CPS1: variants seen among roughly 807,000 people sequenced by gnomAD.
CPS1 encodes carbamoyl-phosphate synthase 1, also known as carbamoyl-phosphate synthase [ammonia], mitochondrial.
In CPS1, 109 loss-of-function variants were observed where a neutral mutation model predicts 174.6. The observed-to-expected ratio is 0.62, with a 90% CI of 0.53 to 0.73. CPS1 has a LOEUF of 0.73. CPS1 is among the 30% of genes least tolerant of loss of function. The probability of loss-of-function intolerance (pLI) is 0.00; values close to 1 mark genes in which losing one functional copy is unlikely to be tolerated. For missense variants in CPS1, 1,689 were observed against 1,821.9 expected, an observed-to-expected ratio of 0.93 and a Z score of 1.33; for synonymous variants, 637 against 632.0, an observed-to-expected ratio of 1.01 and a Z score of -0.12.
chr2:210,578,499 C>G (rs1697787959), intron 4 of CPS1, among the ~76,000 whole-genome samples: 1 of 152,216 alleles, frequency 6.6e-6, no homozygotes, highest in African/African-American at 2.4e-5. Context: ...CTTCAATTAA[C>G]TTCATCTCCA....
At chr2:210,629,672 A>G (rs1699805085) in intron 21 of CPS1, among the ~76,000 whole-genome samples, 1 of 151,908 alleles carries the variant, frequency 6.6e-6, no homozygotes, top group Non-Finnish European at 1.5e-5. Context: ...GGCAGTTTCC[A>G]TTTGTTTTTC....
At chr2:210,677,196 G>C in intron 37 of CPS1, 60 bp downstream of exon 37, 3 of 1,524,920 alleles carry the variant, frequency 2.0e-6, no homozygotes, top group Non-Finnish European at 2.7e-6. Context: ...CCTCCCTTAA[G>C]AGTGTAATCA....
rs1394788077 is a variant in CPS1, at chr2:210,578,355, C to A, written c.471+845C>A. Among the ~76,000 whole-genome samples, 2 of 152,126 alleles carry A rather than the reference C, an allele frequency of 1.3e-5. 1 individual carries two copies. Among genetic ancestry groups the A allele is most frequent in the South Asian group, 4.1e-4 (2 of 4,830 alleles). Reference sequence around the variant, plus strand: ...AAACTCCTGACTTCATGTGATCCACCCGACTCAGCCTCCCAAAGTGCTGGG... The same window carrying A: ...AAACTCCTGACTTCATGTGATCCACACGACTCAGCCTCCCAAAGTGCTGGG... On this transcript the variant is annotated intron_variant, in intron 4 of 37. Coordinates refer to ENST00000233072, the MANE Select transcript of CPS1 (RefSeq NM_001875.5).
chr2:210,651,525 A>G (rs1403277472), intron 28 of CPS1, among the ~76,000 whole-genome samples: 1 of 152,212 alleles, frequency 6.6e-6, no homozygotes, highest in African/African-American at 2.4e-5. Flanking sequence ...GGGTCCTGCC[A>G]TGCGGCCCTT....
chr2:210,497,760 A>G (rs1018505958), intron 1 of CPS1, among the ~76,000 whole-genome samples: 1 of 151,716 alleles, frequency 6.6e-6, no homozygotes, highest in East Asian at 1.9e-4. Flanking sequence ...CCCATGGTGT[A>G]TATGTAGCAC....
At position 210,658,672 on chromosome 2, in the gene CPS1, A is replaced by C. The variant is rs754433289; in HGVS notation, c.3740A>C (p.Lys1247Thr). Residue 1247 changes from lysine (K) to threonine (T), a missense_variant, in exon 31 of 38, where the codon AAA becomes ACA. Lys to Thr is a moderately conservative substitution (Grantham distance 78). Transcript: ENST00000233072. ...SGPFNVQFLV[K>T]GNDVLVIECN... ...CCATTCAACGTCCAATTTCTTGTCA[A>C]AGGAAATGATGTCTTGGTAAGAAAT... 2.0e-5 allele frequency: 32 copies of C among 1,613,702 alleles called. No individual in the cohort carries two copies. In the Admixed American group the frequency reaches 5.0e-4, roughly 25 times the overall value.
chr2:210,514,710 CTA>C (rs1437569711), intron 1 of CPS1, among the ~76,000 whole-genome samples: 7 of 149,754 alleles, frequency 4.7e-5, no homozygotes, highest in African/African-American at 9.8e-5. Context: ...ACTTCTAGTA[CTA>C]TGTTGAATTG....
In CPS1 at chr2:210,582,707, A is replaced by G. The variant is rs1239309801; in HGVS notation, c.619A>G (p.Lys207Glu). Reference protein sequence around the residue: ...KQNLIAEVSTKDVKVYGKGNP... With the variant: ...KQNLIAEVSTEDVKVYGKGNP... ...GAATTTGATTGCTGAGGTTTCAACC[A>G]AGGTGAGGGGTTTTCCTTTATATTT... The change falls in exon 6 of 38, where the codon AAG becomes GAG. Residue 207 changes from lysine to glutamate, a missense_variant and splice_region_variant. Transcript: ENST00000233072. 1 of 1,607,516 alleles carries G rather than the reference A, an allele frequency of 6.2e-7. No homozygotes were observed. The highest frequency in any genetic ancestry group is 1.7e-5 in the Admixed American group (1 of 59,944).
chr2:210,530,477 AAG>A lies in CPS1; in HGVS notation c.4-26234_4-26233del, dbSNP rs1231184118. Among the ~76,000 whole-genome samples, 3 of 152,244 alleles carry A rather than the reference AAG, an allele frequency of 2.0e-5. No homozygotes were observed. In the South Asian group the frequency reaches 6.2e-4, roughly 32 times the overall value. On this transcript the variant is annotated intron_variant, in intron 1 of 38. Transcript: ENST00000430249. ...TGTAGAATTCTGCTAACCACTTTAC[AAG>A]AGAGAGATTTACATAAGATTCTTTT...
intron 17 of CPS1, among the ~76,000 whole-genome samples, chr2:210,606,225 G>A (rs1334785111): frequency 6.6e-6 from 1 of 151,866 alleles, no homozygotes; most frequent in Non-Finnish European, 1.5e-5. Context: ...GAATGAGAGA[G>A]AAGCTTTGTA....
intron 1 of CPS1, among the ~76,000 whole-genome samples, chr2:210,479,214 G>A (rs763489237): frequency 1.2e-4 from 18 of 151,982 alleles, no homozygotes; most frequent in Non-Finnish European, 1.8e-4. Context: ...TGTAGATGCC[G>A]TCTTCTCCTA....
intron 25 of CPS1, 67 bp downstream of exon 25, chr2:210,642,732 T>C: frequency 7.1e-7 from 1 of 1,401,108 alleles, no homozygotes; most frequent in Non-Finnish European, 9.9e-7. Context: ...ACTTTATATA[T>C]ATGCATTCTG....
chr2:210,623,149 T>A (rs187161302), intron 21 of CPS1, among the ~76,000 whole-genome samples: 1 of 152,208 alleles, frequency 6.6e-6, no homozygotes, highest in Non-Finnish European at 1.5e-5. Context: ...TTTGGGCAAT[T>A]TTCCTTCAAT....
chr2:210,621,042 A>G (rs1699506628), intron 21 of CPS1, among the ~76,000 whole-genome samples: 1 of 152,108 alleles, frequency 6.6e-6, no homozygotes, highest in African/African-American at 2.4e-5. Context: ...ACCATTATTT[A>G]GACAGCTTCA....
intron 1 of CPS1, among the ~76,000 whole-genome samples, chr2:210,510,724 A>G (rs986367835): frequency 1.3e-5 from 2 of 152,250 alleles, no homozygotes; most frequent in African/African-American, 4.8e-5. Flanking sequence ...GGCGAAGGAT[A>G]TGAACAGACG....
chr2:210,485,246 T>TAAATA (rs1559730629), intron 1 of CPS1, among the ~76,000 whole-genome samples: 22 of 146,630 alleles, frequency 1.5e-4, no homozygotes, highest in Admixed American at 4.1e-4. Context: ...AAAAAAAAAA[T>TAAATA]AAAATAAAAA....
intron 21 of CPS1, among the ~76,000 whole-genome samples, chr2:210,634,349 G>T (rs558805976): frequency 6.4e-4 from 98 of 152,310 alleles, no homozygotes; most frequent in African/African-American, 2.2e-3. Flanking sequence ...AGAATGGTGT[G>T]AGCCCGGGAG....
In CPS1 at chr2:210,637,822, C is replaced by T. The variant is rs2105895558; in HGVS notation, c.2808C>T (p.Asn936=). 1 of 1,613,942 alleles carries T rather than the reference C, an allele frequency of 6.2e-7. No homozygotes were observed. Among genetic ancestry groups the T allele is most frequent in the Non-Finnish European group, 8.5e-7 (1 of 1,179,870 alleles). Reference sequence around the variant, plus strand: ...CAAGGGAGCTGAGGTTAAAGAAAAACATCCACCCTTGGGTTAAACAGGTAA... The same window carrying T: ...CAAGGGAGCTGAGGTTAAAGAAAAATATCCACCCTTGGGTTAAACAGGTAA... ...AQTRELRLKK[N]IHPWVKQIDT... The change falls in exon 22 of 38, where the codon AAC becomes AAT. Residue 936 remains asparagine (N), a synonymous_variant. Transcript: ENST00000233072.
At chr2:210,502,809 A>G (rs1402435578) in intron 1 of CPS1, among the ~76,000 whole-genome samples, 1 of 152,150 alleles carries the variant, frequency 6.6e-6, no homozygotes, top group African/African-American at 2.4e-5. Context: ...TTCTCCCAGT[A>G]ATGCAACAAA....
Sources: allele counts gnomAD v4.1 joint callset (sites outside exome capture counted in the v4.1 genomes callset), GRCh38; gene constraint gnomAD v4.1.1; transcripts MANE v1.5; gene names NCBI Gene and HGNC (gene_info 2026-07-23, HGNC 2026-07-21).